PDPR: variants seen among roughly 807,000 people sequenced by gnomAD.
PDPR encodes pyruvate dehydrogenase phosphatase regulatory subunit, mitochondrial.
A neutral mutation model predicts 102.2 loss-of-function variants in PDPR; 50 were observed. The ratio of observed to expected loss-of-function variants is 0.49; its 90% CI spans 0.39 to 0.62. The LOEUF (loss-of-function observed/expected upper bound fraction) is 0.62. Among genes scored for constraint, PDPR ranks in the 20% least tolerant of loss-of-function variants. PDPR has a pLI of 0.00. For synonymous variants in PDPR, 259 were observed against 406.0 expected (o/e 0.64, Z 4.35); for missense variants, 625 against 1,098.2 (o/e 0.57, Z 6.09).
At chr16:70,118,762 G>C (rs189836522) in intron 2 of PDPR, among the ~76,000 whole-genome samples, 2 of 152,298 alleles carry the variant, frequency 1.3e-5, no homozygotes, top group Non-Finnish European at 2.9e-5. Flanking sequence ...AGAAGCTTCT[G>C]TTTTGAGATG....
rs1967325090 is a variant in PDPR, at chr16:70,157,266, T to G, written c.*387T>G. ...GTGCAGGTCTCAGGGCACGAGTCCC[T>G]CTCCCTTGGGTTCCATTTTCTTGGA... On this transcript the variant is annotated 3_prime_UTR_variant, in exon 19 of 19. Coordinates refer to ENST00000288050, the MANE Select transcript of PDPR (RefSeq NM_017990.5). 2.1e-6 allele frequency: 1 copy of G among 481,136 alleles called. No individual in the cohort carries two copies. Among genetic ancestry groups the G allele is most frequent in the Non-Finnish European group, 4.1e-6 (1 of 246,186 alleles). 29.8% of individuals were successfully genotyped at this position (481,136 alleles called of 1,614,324 possible). A position where few individuals can be genotyped will look rare whatever the true frequency, so the allele number is the denominator to read the frequency against.
intron 11 of PDPR, among the ~76,000 whole-genome samples, chr16:70,141,451 A>C (rs1453398605): frequency 6.6e-6 from 1 of 152,286 alleles, no homozygotes; most frequent in Non-Finnish European, 1.5e-5. Context: ...TCAAGCTGCA[A>C]TATGTACCCT....
At chr16:70,140,739 C>T (rs1320190384) in intron 11 of PDPR, among the ~76,000 whole-genome samples, 10 of 152,170 alleles carry the variant, frequency 6.6e-5, no homozygotes, top group African/African-American at 1.9e-4. Context: ...CACTTGAACC[C>T]GGGAGATGGA....
intron 10 of PDPR, among the ~76,000 whole-genome samples, chr16:70,137,059 A>T (rs1965218749): frequency 6.6e-6 from 1 of 152,140 alleles, no homozygotes; most frequent in Non-Finnish European, 1.5e-5. Context: ...TTTATTTAAA[A>T]ATTAGACACT....
chr16:70,154,098 G>A (rs1242550919), intron 18 of PDPR, among the ~76,000 whole-genome samples: 1 of 152,286 alleles, frequency 6.6e-6, no homozygotes, highest in Non-Finnish European at 1.5e-5. Flanking sequence ...AGAGGTTGCA[G>A]TGAGCCGAGA....
intron 18 of PDPR, 136 bp from the exon 19 acceptor site, chr16:70,156,339 C>T: frequency 9.0e-7 from 1 of 1,111,312 alleles, no homozygotes; most frequent in Non-Finnish European, 1.3e-6. Context: ...CACAGTTTCC[C>T]AAAAGCTGGC....
chr16:70,114,204 T>A (rs185235086), upstream of PDPR: 3 of 152,204 alleles, frequency 2.0e-5, no homozygotes, highest in Non-Finnish European at 4.4e-5. Context: ...CGCGAAGGCG[T>A]CACGGCGCGC....
intron 3 of PDPR, among the ~76,000 whole-genome samples, chr16:70,124,056 A>AAG (rs1267085877): frequency 1.4e-5 from 1 of 71,162 alleles, no homozygotes; most frequent in African/African-American, 3.5e-5. Flanking sequence ...CTCAGTCTCA[A>AAG]AAAAAAAAAA....
chr16:70,136,286 G>A lies in PDPR; in HGVS notation c.1090G>A (p.Asp364Asn), dbSNP rs1213424837. 1.2e-6 allele frequency: 2 copies of A among 1,613,606 alleles called. No individual in the cohort carries two copies. The highest frequency in any genetic ancestry group is 1.7e-6 in the Non-Finnish European group (2 of 1,179,656). The change falls in exon 10 of 19, where the codon GAC becomes AAC. Residue 364 changes from aspartate (D) to asparagine (N), a missense_variant. Physicochemically the swap from Asp to Asn is conservative, Grantham distance 23. Coordinates refer to ENST00000288050, the MANE Select transcript of PDPR (RefSeq NM_017990.5). Reference sequence around the variant, plus strand: ...GAACTGCCCAGAGACCTTCACACCAGACATGAGGTGCATCATGGGCGAGTC... The same window carrying A: ...GAACTGCCCAGAGACCTTCACACCAAACATGAGGTGCATCATGGGCGAGTC... ...LVNCPETFTP[D>N]MRCIMGESPA...
intron 2 of PDPR, 38 bp from the exon 3 acceptor site, chr16:70,120,423 G>A (rs1308478976): frequency 6.8e-6 from 7 of 1,023,570 alleles, no homozygotes; most frequent in Non-Finnish European, 1.1e-5. Flanking sequence ...CATGCACTGA[G>A]TAGAATGGCA....
intron 9 of PDPR, among the ~76,000 whole-genome samples, chr16:70,135,238 T>TC (rs1597336859): frequency 6.6e-6 from 1 of 151,148 alleles, no homozygotes; most frequent in East Asian, 1.9e-4. Context: ...AACATTGCCT[T>TC]TTTTTTTTTT....
rs528351517 is a variant in PDPR, at chr16:70,124,971, A to G, written c.228-2289A>G. Among the ~76,000 whole-genome samples the G allele has an allele frequency of 9.8e-5, 15 of 152,400 alleles. No individual in the cohort carries two copies. The South Asian group carries it at 2.9e-3, about 29-fold the overall frequency. On this transcript the variant is annotated intron_variant, in intron 3 of 18. Transcript: ENST00000288050. ...CAAAACTGGGTCTTTGGGCCCTAGCATTACTGTAGCCTTTATATTCTGTTG... is the reference window on the plus strand; with the variant it reads ...CAAAACTGGGTCTTTGGGCCCTAGCGTTACTGTAGCCTTTATATTCTGTTG...
Position 70,157,025 on chromosome 16 carries a change from C to T in PDPR, c.*146C>T. ...TCCTTGATATAATTTTGAACTTGAC[C>T]TACTTTAAACTTTTTTGCTCTGCAG... On this transcript the variant is annotated 3_prime_UTR_variant, in exon 19 of 19. Transcript: ENST00000288050. 1 of 1,223,694 alleles carries T rather than the reference C, an allele frequency of 8.2e-7. No individual in the cohort carries two copies. 75.8% of individuals were successfully genotyped at this position (1,223,694 alleles called of 1,614,324 possible).
intron 9 of PDPR, among the ~76,000 whole-genome samples, chr16:70,132,682 C>G (rs1418763019): frequency 1.3e-5 from 2 of 151,034 alleles, no homozygotes; most frequent in Non-Finnish European, 2.9e-5. Flanking sequence ...GAGACATGGT[C>G]TCGCCATGTT....
chr16:70,156,417 T>G, intron 18 of PDPR, 58 bp from the exon 19 acceptor site: 1 of 1,589,702 alleles, frequency 6.3e-7, no homozygotes, highest in Non-Finnish European at 8.6e-7. Context: ...ACGGTGCTGC[T>G]CTCTGTGCCG....
chr16:70,147,659 A>G (rs973468493), intron 16 of PDPR: 1 of 452,072 alleles, frequency 2.2e-6, no homozygotes, highest in African/African-American at 2.0e-5. Flanking sequence ...GCCACCTGTA[A>G]CGAGCAACTT....
Position 70,156,566 on chromosome 16 carries a change from A to G in PDPR, c.2327A>G (p.Asp776Gly). 6.2e-7 allele frequency: 1 copy of G among 1,614,082 alleles called. No individual in the cohort carries two copies. The highest frequency in any genetic ancestry group is 8.5e-7 in the Non-Finnish European group (1 of 1,179,906). Residue 776 changes from aspartate (D) to glycine (G), a missense_variant, in exon 19 of 19, where the codon GAT becomes GGT. Asp to Gly is a moderately conservative substitution (Grantham distance 94). This residue lies in a region of PDPR where 303 missense variants were observed against 258.9 expected (regional missense o/e 1.17). Coordinates refer to ENST00000288050, the MANE Select transcript of PDPR (RefSeq NM_017990.5). ...RLTMFILDDH[D>G]SDLDLWPWWG... ...ACCATGTTCATCCTGGACGACCATG[A>G]TTCAGACCTAGACCTTTGGCCTTGG...
intron 13 of PDPR, among the ~76,000 whole-genome samples, chr16:70,143,063 C>T (rs543109969): frequency 1.7e-3 from 264 of 152,198 alleles, no homozygotes; most frequent in Non-Finnish European, 2.9e-3. Flanking sequence ...GGCATGGTGG[C>T]GGGCACTTGT....
intron 9 of PDPR, among the ~76,000 whole-genome samples, chr16:70,135,600 G>A (rs564925707): frequency 9.2e-5 from 14 of 152,364 alleles, no homozygotes; most frequent in Middle Eastern, 3.4e-3. Context: ...ACTCACACTG[G>A]TCCCTTCAAG....
Sources: gnomAD v4.1 joint callset for allele counts (sites outside exome capture counted in the v4.1 genomes callset) on GRCh38, gnomAD v4.1.1 for gene constraint, gnomAD v4.1.1 regional missense constraint, MANE v1.5 for transcripts, NCBI Gene and HGNC (gene_info 2026-07-23, HGNC 2026-07-21) for gene names.